The following SPAG16 variants were observed in gnomAD, a reference collection of about 807,000 sequenced individuals.
SPAG16 encodes sperm-associated antigen 16 protein.
Under a neutral mutation model 80.4 loss-of-function variants are expected in SPAG16, and 86 were observed. The ratio of observed to expected loss-of-function variants is 1.07; its 90% CI spans 0.90 to 1.28. The LOEUF is 1.28. SPAG16 is among the 50% of genes most tolerant of loss of function. SPAG16 has a pLI of 0.00. For synonymous variants in SPAG16, 294 were observed against 265.9 expected (o/e 1.11, Z -1.03); for missense variants, 870 against 765.3 (o/e 1.14, Z -1.61).
At chr2:214,222,870 G>T (rs1190223471) in intron 15 of SPAG16, among the ~76,000 whole-genome samples, 1 of 151,964 alleles carries the variant, frequency 6.6e-6, no homozygotes, top group Non-Finnish European at 1.5e-5. Context: ...TGTGGCCTTG[G>T]GTTATATTTT....
At chr2:213,344,383 TC>T (rs1435431907) in intron 6 of SPAG16, among the ~76,000 whole-genome samples, 7 of 152,154 alleles carry the variant, frequency 4.6e-5, no homozygotes, top group South Asian at 2.1e-4. Context: ...GGAGTTTTTT[TC>T]TTTTTTTTTT....
chr2:213,947,833 G>A (rs993121142), intron 12 of SPAG16, among the ~76,000 whole-genome samples: 1 of 152,004 alleles, frequency 6.6e-6, no homozygotes, highest in Admixed American at 6.5e-5. Context: ...ATATAGTTTT[G>A]ATTATTATAA....
intron 15 of SPAG16, among the ~76,000 whole-genome samples, chr2:214,356,140 GTAAC>G (rs1698782626): frequency 6.6e-6 from 1 of 151,236 alleles, no homozygotes; most frequent in African/African-American, 2.4e-5. Context: ...GTATACATAT[GTAAC>G]TAACCTGCAC....
intron 15 of SPAG16, among the ~76,000 whole-genome samples, chr2:214,367,165 C>T (rs1699530205): frequency 1.3e-5 from 2 of 152,188 alleles, no homozygotes; most frequent in Admixed American, 1.3e-4. Flanking sequence ...TATCTTAATG[C>T]TTTCATACAG....
At chr2:214,177,890 T>C (rs2057147234) in intron 15 of SPAG16, among the ~76,000 whole-genome samples, 2 of 108,166 alleles carry the variant, frequency 1.8e-5, no homozygotes, top group African/African-American at 8.4e-5. Flanking sequence ...AAAAGCAGAA[T>C]ATATATATAC....
At chr2:213,853,219 T>C (rs2074994672) in intron 10 of SPAG16, among the ~76,000 whole-genome samples, 1 of 152,236 alleles carries the variant, frequency 6.6e-6, no homozygotes, top group Non-Finnish European at 1.5e-5. Context: ...GTCTTTCTTG[T>C]GACAATCTTT....
intron 9 of SPAG16, among the ~76,000 whole-genome samples, chr2:213,388,890 A>C (rs995421944): frequency 6.6e-6 from 1 of 152,058 alleles, no homozygotes; most frequent in African/African-American, 2.4e-5. Flanking sequence ...AATCCCAAAG[A>C]CCTTTTTTTT....
chr2:214,178,169 A>G (rs1417438948), intron 15 of SPAG16, among the ~76,000 whole-genome samples: 3 of 143,034 alleles, frequency 2.1e-5, no homozygotes, highest in Non-Finnish European at 4.5e-5. Flanking sequence ...ATCTAAATAT[A>G]CCTAACTAGG....
intron 13 of SPAG16, among the ~76,000 whole-genome samples, chr2:214,100,792 T>C (rs2052963004): frequency 6.6e-6 from 1 of 152,110 alleles, no homozygotes; most frequent in South Asian, 2.1e-4. Context: ...CAGTCTACCA[T>C]TGATGGGAAT....
At chr2:213,868,638 C>G (rs1004455935) in intron 11 of SPAG16, among the ~76,000 whole-genome samples, 2 of 152,162 alleles carry the variant, frequency 1.3e-5, no homozygotes, top group African/African-American at 4.8e-5. Context: ...TGTATGACCA[C>G]AGCTTATTAT....
intron 15 of SPAG16, among the ~76,000 whole-genome samples, chr2:214,329,378 C>A (rs547356782): frequency 6.6e-6 from 1 of 152,306 alleles, no homozygotes; most frequent in South Asian, 2.1e-4. Context: ...ATCAGTTTAA[C>A]CTTCAAAAGT....
rs73081053 is a variant in SPAG16, at chr2:214,218,459, G to A, written c.1720+69193G>A. Among the ~76,000 whole-genome samples, 549 of 152,174 alleles carry A rather than the reference G, an allele frequency of 3.6e-3. 5 individuals carry two copies. Among genetic ancestry groups the A allele is most frequent in the African/African-American group, 0.013 (524 of 41,516 alleles). On this transcript the variant is annotated intron_variant, in intron 15 of 15. Coordinates refer to ENST00000331683, the MANE Select transcript of SPAG16 (RefSeq NM_024532.5). The stretch of plus-strand genomic sequence containing the variant: ...CCTGAGACTTATGTTTTGCCTCCAC[G>A]CTGCCTTTAATCTGATTGCCTGTCC...
intron 15 of SPAG16, among the ~76,000 whole-genome samples, chr2:214,360,841 G>T (rs189573562): frequency 1.3e-5 from 2 of 151,808 alleles, no homozygotes; most frequent in Non-Finnish European, 2.9e-5. Context: ...TCAAATAAGC[G>T]TCAATGGTTG....
intron 15 of SPAG16, among the ~76,000 whole-genome samples, chr2:214,164,587 G>A (rs563045517): frequency 1.4e-4 from 22 of 152,184 alleles, no homozygotes; most frequent in Middle Eastern, 3.4e-3. Flanking sequence ...TGGCACCAAC[G>A]CTGGTCTTTA....
chr2:213,675,961 A>G (rs1324873941), intron 10 of SPAG16, among the ~76,000 whole-genome samples: 7 of 152,086 alleles, frequency 4.6e-5, no homozygotes, highest in Non-Finnish European at 5.9e-5. Flanking sequence ...CATTGAATCT[A>G]TAAATTACCT....
chr2:213,755,104 T>A (rs1397373286), intron 10 of SPAG16, among the ~76,000 whole-genome samples: 1 of 152,238 alleles, frequency 6.6e-6, no homozygotes, highest in Admixed American at 6.5e-5. Flanking sequence ...TTCGATGTTT[T>A]TGATGTTATA....
chr2:213,388,732 T>A (rs1425805082), intron 9 of SPAG16, among the ~76,000 whole-genome samples: 2 of 152,178 alleles, frequency 1.3e-5, no homozygotes, highest in Non-Finnish European at 2.9e-5. Context: ...AGCATTTTTA[T>A]TTAAAGTAGT....
chr2:213,930,145 G>A lies in SPAG16; in HGVS notation c.1400G>A (p.Ser467Asn), dbSNP rs1202466926. 1 of 1,611,974 alleles carries A rather than the reference G, an allele frequency of 6.2e-7. No homozygotes were observed. Among genetic ancestry groups the A allele is most frequent in the African/African-American group, 1.3e-5 (1 of 74,948 alleles). ...DKTSKIWDVNSERCRCTLYGH... is the reference protein window; with the variant it reads ...DKTSKIWDVNNERCRCTLYGH... ...ACTAGCAAAATTTGGGATGTTAATA[G>A]GTAAGAAGTACTTTAAACATTACTA... Residue 467 changes from serine to asparagine, a missense_variant and splice_region_variant, in exon 12 of 16, where the codon AGT becomes AAT. Physicochemically the swap from Ser to Asn is conservative, Grantham distance 46. Coordinates refer to ENST00000331683, the MANE Select transcript of SPAG16 (RefSeq NM_024532.5).
rs148862075 is a variant in SPAG16 at position 213,852,927 on chromosome 2, A to G, written c.1071-9558A>G. 2.6e-4 allele frequency among the ~76,000 whole-genome samples: 40 copies of G among 152,362 alleles called. 1 individual carries two copies. In the East Asian group the frequency reaches 7.1e-3, roughly 27 times the overall value. On this transcript the variant is annotated intron_variant, in intron 10 of 15. Coordinates refer to ENST00000331683, the MANE Select transcript of SPAG16 (RefSeq NM_024532.5). ...TATAAATGCTAATGCACATCACGATATAAGATGCAGTTACTAGCTAAGCAA... is the reference window on the plus strand; with the variant it reads ...TATAAATGCTAATGCACATCACGATGTAAGATGCAGTTACTAGCTAAGCAA...
Sources: gnomAD v4.1 joint callset for allele counts (sites outside exome capture counted in the v4.1 genomes callset) on GRCh38, gnomAD v4.1.1 for gene constraint, MANE v1.5 for transcripts, NCBI Gene and HGNC (gene_info 2026-07-23, HGNC 2026-07-21) for gene names.